AKAP9: variants seen among roughly 807,000 people sequenced by gnomAD.
The protein encoded by AKAP9 is A-kinase anchor protein 9.
Under a neutral mutation model 488.5 loss-of-function variants are expected in AKAP9, and 311 were observed. That is an observed-to-expected ratio of 0.64 (90% CI 0.58 to 0.70). The LOEUF (loss-of-function observed/expected upper bound fraction) is 0.70, where lower values mean the gene tolerates loss of function less well. Among genes scored for constraint, AKAP9 ranks in the 30% least tolerant of loss-of-function variants. The pLI, the probability that AKAP9 is intolerant of heterozygous loss-of-function variation, is 0.00. For synonymous variants in AKAP9, 1,462 were observed against 1,483.5 expected, an observed-to-expected ratio of 0.99 and a Z score of 0.33; for missense variants, 4,215 against 4,374.5, an observed-to-expected ratio of 0.96 and a Z score of 1.03.
intron 21 of AKAP9, 98 bp downstream of exon 21, chr7:92,045,311 A>G (rs1806784842): frequency 8.3e-7 from 1 of 1,199,924 alleles, no homozygotes; most frequent in African/African-American, 1.5e-5. Context: ...GAAAATAAGT[A>G]TTTTCCAGCA....
At position 92,077,250 on chromosome 7, in the gene AKAP9, G is replaced by A. The variant is rs182375469; in HGVS notation, c.6765+243G>A. 0.014 allele frequency among the ~76,000 whole-genome samples: 2,179 copies of A among 151,432 alleles called. 45 individuals are homozygous for A. Among genetic ancestry groups the A allele is most frequent in the African/African-American group, 0.05 (2,073 of 41,272 alleles). ...TGGGACTATAGGCACGTACCACCAC[G>A]CCTGGCTAATTTTTGTATTTTTAGT... On this transcript the variant is annotated intron_variant, in intron 29 of 49. Coordinates refer to ENST00000356239, the MANE Select transcript of AKAP9 (RefSeq NM_005751.5).
chr7:92,074,422 A>T (rs936809110), intron 28 of AKAP9, among the ~76,000 whole-genome samples: 59 of 152,158 alleles, frequency 3.9e-4, no homozygotes, highest in African/African-American at 1.3e-3. Flanking sequence ...TGGGAGTGTA[A>T]ATTAGTTCAA....
chr7:92,070,825 AG>A (rs2077364255), intron 27 of AKAP9, 79 bp from the exon 28 acceptor site: 30 of 898,408 alleles, frequency 3.3e-5, no homozygotes, highest in Middle Eastern at 6.4e-4. Flanking sequence ...AAAAAAAAAA[AG>A]CAGACCAAAA....
intron 1 of AKAP9, among the ~76,000 whole-genome samples, chr7:91,945,140 C>T (rs548342063): frequency 6.6e-5 from 10 of 152,178 alleles, no homozygotes; most frequent in African/African-American, 2.2e-4. Flanking sequence ...GTGGGAGGAT[C>T]GCTTGAGCCC....
At chr7:91,969,847 T>G (rs183117987) in intron 1 of AKAP9, among the ~76,000 whole-genome samples, 1 of 152,330 alleles carries the variant, frequency 6.6e-6, no homozygotes, top group African/African-American at 2.4e-5. Context: ...TGGGTCTTAC[T>G]TCTGTATTCA....
At chr7:92,032,683 A>G (rs1350639207) in intron 16 of AKAP9, among the ~76,000 whole-genome samples, 1 of 152,164 alleles carries the variant, frequency 6.6e-6, no homozygotes. Flanking sequence ...AAATTCGATG[A>G]GGAAGTCAAG....
chr7:91,983,127 T>C (rs1796644081), intron 3 of AKAP9, among the ~76,000 whole-genome samples: 1 of 152,090 alleles, frequency 6.6e-6, no homozygotes, highest in Non-Finnish European at 1.5e-5. Flanking sequence ...TAGGTATACA[T>C]GTGCCATGTT....
chr7:92,019,112 C>A (rs1430327182), intron 12 of AKAP9, among the ~76,000 whole-genome samples: 2 of 151,794 alleles, frequency 1.3e-5, no homozygotes, highest in Admixed American at 6.6e-5. Context: ...TTCAGTTATA[C>A]AGTCAACAAT....
rs2130873627 is a variant in AKAP9 at position 92,084,686 on chromosome 7, G to A, written c.8693G>A (p.Arg2898Lys). The A allele has an allele frequency of 1.2e-6, 2 of 1,610,794 alleles. No individual in the cohort carries two copies. Among genetic ancestry groups the A allele is most frequent in the African/African-American group, 2.7e-5 (2 of 74,958 alleles). The part of the protein sequence containing the change: ...ELAHSDAYQT[R>K]EICSSDSGSD... ...GCACATTCTGATGCTTACCAGACTAGAGAAATATGCTCCAGTGGTAAGTTA... is the reference window on the plus strand; with the variant it reads ...GCACATTCTGATGCTTACCAGACTAAAGAAATATGCTCCAGTGGTAAGTTA... Residue 2898 changes from arginine to lysine, a missense_variant, in exon 34 of 50, where the codon AGA becomes AAA. Around this residue, in one of 5 missense-constraint regions of AKAP9, gnomAD observed 1,476 missense variants for 1,477.4 expected, o/e 1.00. Transcript: ENST00000356239.
Position 92,001,149 on chromosome 7 carries a change from A to G in AKAP9, c.1232A>G (p.Asp411Gly), listed in dbSNP as rs1290931377. The change falls in exon 8 of 50, where the codon GAC (aspartate) becomes GGC (glycine). Residue 411 changes from aspartate to glycine, a missense_variant. Physicochemically the swap from Asp to Gly is moderately conservative, Grantham distance 94. Transcript: ENST00000356239. ...VEELQKRNHK[D>G]SQFETDIVQR... ...GAACTTCAGAAGAGAAATCATAAAG[A>G]CAGCCAGTTCGAAACTGATATAGTA... is the stretch of plus-strand genomic sequence containing the variant. The G allele has an allele frequency of 6.2e-7, 1 of 1,614,068 alleles. No individual in the cohort carries two copies.
chr7:92,092,083 T>C (rs1265759789), intron 38 of AKAP9: 1 of 152,216 alleles, frequency 6.6e-6, no homozygotes, highest in Non-Finnish European at 1.5e-5. Flanking sequence ...ACCTAACACC[T>C]GGGTAAATAT....
chr7:91,980,619 A>G (rs1328593084), intron 3 of AKAP9, among the ~76,000 whole-genome samples: 1 of 147,410 alleles, frequency 6.8e-6, no homozygotes, highest in African/African-American at 2.5e-5. Flanking sequence ...TGTGACTGTT[A>G]CAAGGCATCC....
Position 92,101,064 on chromosome 7 carries a change from A to C in AKAP9, c.11097+8A>C. The C allele has an allele frequency of 6.2e-7, 1 of 1,611,642 alleles. No homozygotes were observed. Among genetic ancestry groups the C allele is most frequent in the Non-Finnish European group, 8.5e-7 (1 of 1,179,366 alleles). ...GAACATGTCACTTTAAAGGTAGGAG[A>C]CATCTCCCATCTAAACATCACAGCT... is the stretch of plus-strand genomic sequence containing the variant. On this transcript the variant is annotated splice_region_variant and intron_variant, in intron 45 of 49. Coordinates refer to ENST00000356239, the MANE Select transcript of AKAP9 (RefSeq NM_005751.5).
chr7:92,051,317 T>C (rs1235616966), intron 21 of AKAP9, among the ~76,000 whole-genome samples: 1 of 152,240 alleles, frequency 6.6e-6, no homozygotes, highest in East Asian at 1.9e-4. Flanking sequence ...ATTTCTCACA[T>C]AAAGATGCTG....
chr7:92,082,686 A>G (rs772204425), intron 32 of AKAP9, 24 bp downstream of exon 32: 1 of 1,612,526 alleles, frequency 6.2e-7, no homozygotes, highest in Non-Finnish European at 8.5e-7. Flanking sequence ...CATAGCTCCT[A>G]ATTCACTCAT....
At chr7:91,965,534 T>C (rs1794335906) in intron 1 of AKAP9, among the ~76,000 whole-genome samples, 1 of 152,220 alleles carries the variant, frequency 6.6e-6, no homozygotes, top group Non-Finnish European at 1.5e-5. Flanking sequence ...ATTTTCTTTC[T>C]TTTGAATATG....
rs1293048610 is a variant in AKAP9, at chr7:92,096,549, C to G, written c.9730-140C>G. The G allele has an allele frequency of 2.3e-5, 20 of 887,092 alleles. No individual in the cohort carries two copies. In the Admixed American group the frequency reaches 5.0e-4, roughly 22 times the overall value. 55.0% of individuals were successfully genotyped at this position (887,092 alleles called of 1,614,324 possible). A position where few individuals can be genotyped will look rare whatever the true frequency, so the allele number is the denominator to read the frequency against. On this transcript the variant is annotated intron_variant, in intron 40 of 49. Transcript: ENST00000356239. ...ACAGGGTTTCACCATGTTGGCCAGG[C>G]TGGGCTTGAACTCTTGACCTCAGGT... is the stretch of plus-strand genomic sequence containing the variant.
intron 9 of AKAP9, among the ~76,000 whole-genome samples, chr7:92,013,820 A>G (rs1187075630): frequency 6.6e-6 from 1 of 152,076 alleles, no homozygotes; most frequent in African/African-American, 2.4e-5. Context: ...CTAGAGGCTA[A>G]TGAATAGGTC....
intron 1 of AKAP9, among the ~76,000 whole-genome samples, chr7:91,942,563 T>C (rs1465955345): frequency 2.6e-5 from 4 of 152,218 alleles, no homozygotes; most frequent in Non-Finnish European, 2.9e-5. Flanking sequence ...TCCAAAAGCA[T>C]TGAAGATCTG....
Sources: gnomAD v4.1 joint callset for allele counts (sites outside exome capture counted in the v4.1 genomes callset) on GRCh38, gnomAD v4.1.1 for gene constraint, gnomAD v4.1.1 regional missense constraint, MANE v1.5 for transcripts, NCBI Gene and HGNC (gene_info 2026-07-23, HGNC 2026-07-21) for gene names.